The following SETDB2 variants were observed in gnomAD, a reference collection of about 807,000 sequenced individuals.
SETDB2 encodes the protein histone-lysine N-methyltransferase SETDB2.
A neutral mutation model predicts 82.5 loss-of-function variants in SETDB2; 56 were observed. The ratio of observed to expected loss-of-function variants is 0.68; its 90% CI spans 0.55 to 0.85. SETDB2 has a LOEUF of 0.85. Ranked by LOEUF, SETDB2 falls within the 40% of genes least tolerant of loss-of-function variation. The pLI, the probability that SETDB2 is intolerant of heterozygous loss-of-function variation, is 0.00. For missense variants in SETDB2, 677 were observed against 816.4 expected (o/e 0.83, Z 2.08); for synonymous variants, 272 against 284.9 (o/e 0.95, Z 0.46).
At chr13:49,487,439 A>G (rs747540561) in intron 11 of SETDB2, among the ~76,000 whole-genome samples, 1 of 152,144 alleles carries the variant, frequency 6.6e-6, no homozygotes, top group Admixed American at 6.6e-5. Context: ...GGGCTCAAAC[A>G]GTCCTCCCAC....
chr13:49,482,404 C>A, intron 8 of SETDB2: 1 of 784,390 alleles, frequency 1.3e-6, no homozygotes, highest in Non-Finnish European at 1.5e-6. Flanking sequence ...GACATAAAAG[C>A]TACAATTTTA....
intron 7 of SETDB2, among the ~76,000 whole-genome samples, chr13:49,480,614 TA>T (rs2138960384): frequency 6.6e-6 from 1 of 152,330 alleles, no homozygotes; most frequent in Non-Finnish European, 1.5e-5. Context: ...TTTCTCCGTT[TA>T]AAAATAACTG....
chr13:49,456,044 G>T (rs1324139012), intron 2 of SETDB2, among the ~76,000 whole-genome samples: 2 of 152,020 alleles, frequency 1.3e-5, no homozygotes, highest in East Asian at 3.9e-4. Context: ...ACTATCAGTT[G>T]TCAATATAAT....
In SETDB2 at chr13:49,492,487, C is replaced by T. The variant is rs896984924; in HGVS notation, c.*638C>T. The T allele has an allele frequency of 1.3e-5, 2 of 152,506 alleles. No homozygotes were observed. Among genetic ancestry groups the T allele is most frequent in the Admixed American group, 1.3e-4 (2 of 15,284 alleles). 9.4% of individuals were successfully genotyped at this position (152,506 alleles called of 1,614,324 possible). A position where few individuals can be genotyped will look rare whatever the true frequency, so the allele number is the denominator to read the frequency against. On this transcript the variant is annotated 3_prime_UTR_variant, in exon 14 of 14. Coordinates refer to ENST00000611815, the MANE Select transcript of SETDB2 (RefSeq NM_001160308.3). ...TCTTTGAAATGAGTCTTCTTTCCCACAGATTTTCTCTACTCTTTCTATACA... is the reference window on the plus strand; with the variant it reads ...TCTTTGAAATGAGTCTTCTTTCCCATAGATTTTCTCTACTCTTTCTATACA...
chr13:49,490,436 G>T (rs1457864919), intron 12 of SETDB2, among the ~76,000 whole-genome samples: 1 of 152,066 alleles, frequency 6.6e-6, no homozygotes, highest in Non-Finnish European at 1.5e-5. Flanking sequence ...AAATATTTGG[G>T]TTATTTCCAA....
At chr13:49,472,595 G>A (rs1958272633) in intron 5 of SETDB2, among the ~76,000 whole-genome samples, 1 of 151,568 alleles carries the variant, frequency 6.6e-6, no homozygotes, top group African/African-American at 2.4e-5. Flanking sequence ...TTTCAGTAAT[G>A]TATCTTCACA....
At chr13:49,449,722 C>G (rs1022921953) in intron 1 of SETDB2, among the ~76,000 whole-genome samples, 14 of 152,166 alleles carry the variant, frequency 9.2e-5, no homozygotes, top group African/African-American at 3.1e-4. Flanking sequence ...CAATCCCTTC[C>G]ATCTCTCCTC....
rs192272819 is a variant in SETDB2 at position 49,450,977 on chromosome 13, T to C, written c.-341-576T>C. ...TAATATTTTTATTAAAATTTAATTA[T>C]TAAAATATTTAATGTACTATAATGT... On this transcript the variant is annotated intron_variant, in intron 1 of 13. Transcript: ENST00000611815. Among the ~76,000 whole-genome samples the C allele has an allele frequency of 1.2e-3, 188 of 151,010 alleles. 1 individual carries two copies. Among genetic ancestry groups the C allele is most frequent in the Admixed American group, 9.0e-3 (137 of 15,170 alleles).
At chr13:49,483,608 AATTTTTTTTTTTTTTTTTTT>A in intron 10 of SETDB2, 45 bp downstream of exon 10, 1 of 490,652 alleles carries the variant, frequency 2.0e-6, no homozygotes, top group African/African-American at 2.5e-5. Context: ...TTCTTTTTTA[AATTTTTTTTTTTTTTTTTTT>A]TTTTTTTTTT....
intron 5 of SETDB2, among the ~76,000 whole-genome samples, chr13:49,471,828 AG>A (rs5803467): frequency 0.06 from 9,061 of 150,906 alleles, 346 homozygotes; most frequent in South Asian, 0.064. Flanking sequence ...CTCTGTTACC[AG>A]TAGGTTTCTT....
At chr13:49,485,747 T>C (rs766977295) in intron 11 of SETDB2, 24 bp downstream of exon 11, 22 of 1,556,576 alleles carry the variant, frequency 1.4e-5, no homozygotes, top group Non-Finnish European at 2.0e-5. Flanking sequence ...CTTCTGTGAA[T>C]GCCTACCTCT....
chr13:49,460,330 A>AGATG (rs1957968204), intron 3 of SETDB2, 98 bp downstream of exon 3: 2 of 1,245,636 alleles, frequency 1.6e-6, no homozygotes, highest in Admixed American at 6.1e-5. Context: ...TTGTAAAAGT[A>AGATG]GATGGATGTA....
At chr13:49,470,966 C>CTTTCTTTT (rs10695231) in intron 5 of SETDB2, among the ~76,000 whole-genome samples, 5,660 of 80,628 alleles carry the variant, frequency 0.07, 591 homozygotes, top group African/African-American at 0.14. Flanking sequence ...TTCTTTCTTT[C>CTTTCTTTT]TTTTTTTTTT....
rs1958773275 is a variant in SETDB2 at position 49,494,728 on chromosome 13, T to C, written c.*2879T>C. The stretch of plus-strand genomic sequence containing the variant: ...CCACACTCTTCTGCAATTCATTTCA[T>C]AGTTGTCAAGACTATACAAATTGTC... On this transcript the variant is annotated 3_prime_UTR_variant, in exon 14 of 14. Transcript: ENST00000611815. The C allele has an allele frequency of 6.6e-6, 1 of 152,358 alleles. No individual in the cohort carries two copies. The highest frequency in any genetic ancestry group is 2.4e-5 in the African/African-American group (1 of 41,576). The allele number at this position is 152,358 out of a possible 1,614,324, so 9.4% of individuals were successfully genotyped here. A position where few individuals can be genotyped will look rare whatever the true frequency, so the allele number is the denominator to read the frequency against.
At chr13:49,461,688 T>G (rs1957996059) in intron 4 of SETDB2, among the ~76,000 whole-genome samples, 1 of 152,206 alleles carries the variant, frequency 6.6e-6, no homozygotes, top group Non-Finnish European at 1.5e-5. Context: ...TTCTCCAGTA[T>G]TCTGTGGACA....
intron 2 of SETDB2, among the ~76,000 whole-genome samples, chr13:49,454,981 T>C (rs1211319960): frequency 2.6e-5 from 4 of 152,158 alleles, no homozygotes; most frequent in African/African-American, 7.2e-5. Flanking sequence ...AAATTGAAAC[T>C]AAGAAGTTTC....
At chr13:49,471,785 G>A (rs1958246877) in intron 5 of SETDB2, among the ~76,000 whole-genome samples, 1 of 151,344 alleles carries the variant, frequency 6.6e-6, no homozygotes, top group African/African-American at 2.4e-5. Flanking sequence ...CAATACCTAA[G>A]GTCAGGGTTG....
chr13:49,470,950 T>TTTTCTTTCTTTC (rs71307669), intron 5 of SETDB2, among the ~76,000 whole-genome samples: 14 of 117,512 alleles, frequency 1.2e-4, no homozygotes, highest in Admixed American at 5.3e-4. Flanking sequence ...GGTTTTTTTG[T>TTTTCTTTCTTTC]TTTCTTTCTT....
chr13:49,479,327 TTTA>T (rs1281610930), intron 6 of SETDB2, among the ~76,000 whole-genome samples: 2 of 152,214 alleles, frequency 1.3e-5, no homozygotes, highest in Non-Finnish European at 2.9e-5. Context: ...AATATGGGTG[TTTA>T]TTATTATCTG....
Sources: gnomAD v4.1 joint callset for allele counts (sites outside exome capture counted in the v4.1 genomes callset) on GRCh38, gnomAD v4.1.1 for gene constraint, MANE v1.5 for transcripts, NCBI Gene and HGNC (gene_info 2026-07-23, HGNC 2026-07-21) for gene names.